The following GARRE1 variants were observed in gnomAD, a reference collection of about 807,000 sequenced individuals.
GARRE1 encodes the protein granule associated Rac and RHOG effector protein 1.
In GARRE1, 49 loss-of-function variants were observed where a neutral mutation model predicts 103.2. That is an observed-to-expected ratio of 0.47 (90% CI 0.38 to 0.60). The LOEUF (loss-of-function observed/expected upper bound fraction) is 0.60, where lower values mean the gene tolerates loss of function less well. Among genes scored for constraint, GARRE1 ranks in the 20% least tolerant of loss-of-function variants. The probability of loss-of-function intolerance (pLI) is 0.00; values close to 1 mark genes in which losing one functional copy is unlikely to be tolerated. For missense variants in GARRE1, 1,199 were observed against 1,370.5 expected, an observed-to-expected ratio of 0.87 and a Z score of 1.98; for synonymous variants, 505 against 532.8, an observed-to-expected ratio of 0.95 and a Z score of 0.72.
At chr19:34,336,233 C>T (rs999585757) in intron 8 of GARRE1, among the ~76,000 whole-genome samples, 4 of 152,090 alleles carry the variant, frequency 2.6e-5, no homozygotes, top group Non-Finnish European at 5.9e-5. Context: ...TCAAGCGATC[C>T]CCCTGCCTTG....
At chr19:34,263,678 A>T (rs1260033504) in intron 1 of GARRE1, among the ~76,000 whole-genome samples, 1 of 151,924 alleles carries the variant, frequency 6.6e-6, no homozygotes, top group Admixed American at 6.6e-5. Context: ...GGGTTTCACC[A>T]TGTTGGCCAT....
chr19:34,351,540 C>A lies in GARRE1; in HGVS notation c.2852C>A (p.Thr951Asn). 1 of 1,614,010 alleles carries A rather than the reference C, an allele frequency of 6.2e-7. No homozygotes were observed. ...AAACACAGCAGTGGAGAGCAAGACA[C>A]CAGCACGCTGCCCTCACCACCTCTC... is the stretch of plus-strand genomic sequence containing the variant. ...RRKHSSGEQD[T>N]STLPSPPLLT... Residue 951 changes from threonine to asparagine, a missense_variant, in exon 13 of 14, where the codon ACC becomes AAC. Thr to Asn is a moderately conservative substitution (Grantham distance 65, BLOSUM62 0). Transcript: ENST00000299505.
In GARRE1 at chr19:34,340,060, G is replaced by A. The variant is rs943818983; in HGVS notation, c.1487+68G>A. On this transcript the variant is annotated intron_variant, in intron 9 of 13. Transcript: ENST00000299505. ...TGTGACTATGCACAGTTTCATGTGTGCTTGTGTCATTGATAGTATACGGTA... is the reference window on the plus strand; with the variant it reads ...TGTGACTATGCACAGTTTCATGTGTACTTGTGTCATTGATAGTATACGGTA... The A allele has an allele frequency of 7.5e-5, 116 of 1,544,546 alleles. No individual in the cohort carries two copies. In the African/African-American group the frequency reaches 1.4e-3, roughly 18 times the overall value.
intron 3 of GARRE1, among the ~76,000 whole-genome samples, chr19:34,321,312 G>A (rs960275009): frequency 1.4e-5 from 2 of 142,574 alleles, no homozygotes; most frequent in African/African-American, 5.2e-5. Context: ...TCTTGACCTC[G>A]TGATCTGCCT....
rs749013853 is a variant in GARRE1 at position 34,327,606 on chromosome 19, CAAGG to C, written c.846+46_846+49del. ...CATACTGATTTCCACGGGATAGAAA[CAAGG>C]GAGGGAGTTAAAGTTGTGATGTTGA... is the stretch of plus-strand genomic sequence containing the variant. On this transcript the variant is annotated intron_variant, in intron 4 of 13. Coordinates refer to ENST00000299505, the MANE Select transcript of GARRE1 (RefSeq NM_014686.5). 7 of 1,601,594 alleles carry C rather than the reference CAAGG, an allele frequency of 4.4e-6. No individual in the cohort carries two copies. In the Admixed American group the frequency reaches 5.0e-5, roughly 11 times the overall value.
At chr19:34,289,186 G>A (rs1368618558) in intron 1 of GARRE1, among the ~76,000 whole-genome samples, 1 of 152,102 alleles carries the variant, frequency 6.6e-6, no homozygotes, top group Non-Finnish European at 1.5e-5. Context: ...TATAATCCCA[G>A]CACTTTGGGA....
chr19:34,331,696 T>C lies in GARRE1; in HGVS notation c.1263+1349T>C, dbSNP rs1380654283. Among the ~76,000 whole-genome samples the C allele has an allele frequency of 3.3e-5, 5 of 152,132 alleles. No homozygotes were observed. In the East Asian group the frequency reaches 9.6e-4, roughly 29 times the overall value. On this transcript the variant is annotated intron_variant, in intron 7 of 13. Transcript: ENST00000299505. Reference sequence around the variant, plus strand: ...CTCCCTTTCTAGTAAACGACTACTTTTCAAAAACATATGGTGGCAGGGCGT... The same window carrying C: ...CTCCCTTTCTAGTAAACGACTACTTCTCAAAAACATATGGTGGCAGGGCGT...
intron 1 of GARRE1, among the ~76,000 whole-genome samples, chr19:34,266,534 G>A (rs956377701): frequency 6.6e-6 from 1 of 152,136 alleles, no homozygotes; most frequent in African/African-American, 2.4e-5. Context: ...GCTAATGTTT[G>A]TATTTTTAGT....
chr19:34,352,985 TGCCTGCCC>T lies in GARRE1; in HGVS notation c.*34_*41del, dbSNP rs1318009969. The T allele has an allele frequency of 5.5e-6, 6 of 1,088,870 alleles. No homozygotes were observed. Among genetic ancestry groups the T allele is most frequent in the African/African-American group, 5.0e-5 (2 of 40,236 alleles). 67.5% of individuals were successfully genotyped at this position (1,088,870 alleles called of 1,614,324 possible). On this transcript the variant is annotated 3_prime_UTR_variant, in exon 14 of 14. Coordinates refer to ENST00000299505, the MANE Select transcript of GARRE1 (RefSeq NM_014686.5). Reference sequence around the variant, plus strand: ...AGGCCAGCCAGCCTGCCTGCCTGCCTGCCTGCCCGCCCAGAGCTGTGGGGATGAGTGTC... The same window carrying T: ...AGGCCAGCCAGCCTGCCTGCCTGCCTGCCCAGAGCTGTGGGGATGAGTGTC...
intron 2 of GARRE1, among the ~76,000 whole-genome samples, chr19:34,301,253 G>A (rs1392882511): frequency 6.6e-6 from 1 of 151,992 alleles, no homozygotes; most frequent in African/African-American, 2.4e-5. Flanking sequence ...GTGAGACCTT[G>A]TCTCTACAAA....
At chr19:34,265,215 C>A (rs1489626427) in intron 1 of GARRE1, among the ~76,000 whole-genome samples, 1 of 149,718 alleles carries the variant, frequency 6.7e-6, no homozygotes, top group Non-Finnish European at 1.5e-5. Context: ...CCTCACCCCA[C>A]CCCCGGTCCC....
intron 1 of GARRE1, among the ~76,000 whole-genome samples, chr19:34,296,022 A>G (rs1186773719): frequency 6.6e-6 from 1 of 152,224 alleles, no homozygotes; most frequent in African/African-American, 2.4e-5. Flanking sequence ...ATTGATTTAT[A>G]CATCTTTCCT....
intron 1 of GARRE1, among the ~76,000 whole-genome samples, chr19:34,283,898 C>G (rs1237009774): frequency 5.0e-5 from 7 of 138,644 alleles, no homozygotes; most frequent in Non-Finnish European, 9.0e-5. Context: ...GTGGCATGAT[C>G]TCGGCTCACT....
At chr19:34,279,917 G>A (rs2073841049) in intron 1 of GARRE1, among the ~76,000 whole-genome samples, 2 of 148,944 alleles carry the variant, frequency 1.3e-5, no homozygotes, top group Admixed American at 6.7e-5. Context: ...CCCGGGAGGC[G>A]GAGCTTGCAG....
intron 3 of GARRE1, among the ~76,000 whole-genome samples, chr19:34,325,887 C>A (rs2074109507): frequency 6.6e-6 from 1 of 152,208 alleles, no homozygotes; most frequent in Non-Finnish European, 1.5e-5. Flanking sequence ...CACCCCACCC[C>A]ACACACATGC....
In GARRE1 at chr19:34,303,173, A is replaced by G. The variant is rs927472417; in HGVS notation, c.495+2205A>G. ...CTTATTTTAGGAAATGATTTATTCA[A>G]CTTTGATCTCTTATATTCGTTTGAT... is the stretch of plus-strand genomic sequence containing the variant. On this transcript the variant is annotated intron_variant, in intron 2 of 13. Coordinates refer to ENST00000299505, the MANE Select transcript of GARRE1 (RefSeq NM_014686.5). Among the ~76,000 whole-genome samples the G allele has an allele frequency of 2.6e-5, 4 of 152,354 alleles. No individual in the cohort carries two copies. The South Asian group carries it at 8.3e-4, about 32-fold the overall frequency.
intron 1 of GARRE1, among the ~76,000 whole-genome samples, chr19:34,263,051 A>G (rs2073728607): frequency 6.6e-6 from 1 of 152,010 alleles, no homozygotes; most frequent in Non-Finnish European, 1.5e-5. Flanking sequence ...CACCTCTACT[A>G]AAAATACAAA....
At chr19:34,272,100 CA>C (rs2073791699) in intron 1 of GARRE1, among the ~76,000 whole-genome samples, 1 of 152,136 alleles carries the variant, frequency 6.6e-6, no homozygotes, top group South Asian at 2.1e-4. Context: ...ACAGGCTAGA[CA>C]ACAGGACGGG....
chr19:34,325,537 G>A (rs1216648420), intron 3 of GARRE1, among the ~76,000 whole-genome samples: 1 of 152,128 alleles, frequency 6.6e-6, no homozygotes, highest in Non-Finnish European at 1.5e-5. Flanking sequence ...AAGAAAACCC[G>A]GCAGTTCCCA....
Sources: allele counts gnomAD v4.1 joint callset (sites outside exome capture counted in the v4.1 genomes callset), GRCh38; gene constraint gnomAD v4.1.1; transcripts MANE v1.5; gene names NCBI Gene and HGNC (gene_info 2026-07-23, HGNC 2026-07-21).